The following RFT1 variants were observed in gnomAD, a reference collection of about 807,000 sequenced individuals.
RFT1 encodes RFT1 glycolipid translocator homolog, also known as man(5)GlcNAc(2)-PP-dolichol translocation protein RFT1.
A neutral mutation model predicts 62.2 loss-of-function variants in RFT1; 43 were observed. The ratio of observed to expected loss-of-function variants is 0.69; its 90% CI spans 0.54 to 0.89. The LOEUF is 0.89. RFT1 is among the 40% of genes least tolerant of loss of function. The pLI is 0.00. For missense variants in RFT1, 605 were observed against 649.9 expected (o/e 0.93, Z 0.75); for synonymous variants, 262 against 264.6 (o/e 0.99, Z 0.10).
chr3:53,119,501 A>G (rs765867053), intron 6 of RFT1, among the ~76,000 whole-genome samples: 9 of 152,242 alleles, frequency 5.9e-5, no homozygotes, highest in Non-Finnish European at 1.3e-4. Flanking sequence ...AAGGCAGGTA[A>G]AGCATTCAGC....
chr3:53,101,384 G>T (rs935918811), intron 10 of RFT1, among the ~76,000 whole-genome samples: 2 of 152,194 alleles, frequency 1.3e-5, no homozygotes, highest in Non-Finnish European at 2.9e-5. Flanking sequence ...AAGCAGAGAA[G>T]AGTGGGGGGC....
At chr3:53,115,767 C>G (rs1389334251) in intron 6 of RFT1, among the ~76,000 whole-genome samples, 2 of 152,242 alleles carry the variant, frequency 1.3e-5, no homozygotes, top group East Asian at 3.9e-4. Context: ...GTGAAGCCTT[C>G]CTTGATGTTC....
At chr3:53,104,400 T>A (rs997917936) in intron 9 of RFT1, among the ~76,000 whole-genome samples, 2 of 151,744 alleles carry the variant, frequency 1.3e-5, no homozygotes, top group Non-Finnish European at 2.9e-5. Flanking sequence ...TTTTTTTTTT[T>A]AAATAGAAAT....
At chr3:53,085,729 G>GC (rs1424097972), downstream of RFT1, 1 of 152,216 alleles carries the variant, frequency 6.6e-6, no homozygotes, top group African/African-American at 2.4e-5. Flanking sequence ...TGCAAGGAAA[G>GC]ACCTAATTCG....
intron 2 of RFT1, 68 bp from the exon 3 acceptor site, chr3:53,123,908 C>T (rs1419644587): frequency 7.8e-7 from 1 of 1,286,804 alleles, no homozygotes; most frequent in Non-Finnish European, 1.1e-6. Context: ...TGGGATTTTT[C>T]CAGCAACAGG....
At chr3:53,105,896 G>C (rs535824068) in intron 8 of RFT1, 93 bp from the exon 9 acceptor site, 3 of 1,200,644 alleles carry the variant, frequency 2.5e-6, no homozygotes, top group Non-Finnish European at 3.5e-6. Flanking sequence ...TTTCATTAAA[G>C]TTTGTTTATC....
At position 53,098,409 on chromosome 3, in the gene RFT1, G is replaced by A. The variant is rs151059445; in HGVS notation, c.1208+972C>T. Among the ~76,000 whole-genome samples, 17 of 143,806 alleles carry A rather than the reference G, an allele frequency of 1.2e-4. No individual in the cohort carries two copies. The East Asian group carries it at 3.3e-3, about 28-fold the overall frequency. The allele number at this position is 143,806 out of a possible 152,430, so 94.3% of individuals were successfully genotyped here. A position where few individuals can be genotyped will look rare whatever the true frequency, so the allele number is the denominator to read the frequency against. On this transcript the variant is annotated intron_variant, in intron 11 of 12. Transcript: ENST00000296292. ...CGCAGGAAAGGACACACACAGAGGA[G>A]GGGGAAGGGTCCCCATTTGAGACAC...
chr3:53,068,694 G>A, the RFT1 span, among the ~76,000 whole-genome samples: 1 of 152,186 alleles, frequency 6.6e-6, no homozygotes. Context: ...GTGGGGCAAA[G>A]GGAAGCGAGA....
rs142383513 is a variant in RFT1, at chr3:53,128,656, G to T, written c.63+1682C>A. Among the ~76,000 whole-genome samples the T allele has an allele frequency of 0.011, 1,630 of 152,222 alleles. 65 individuals carry two copies. In the South Asian group the frequency reaches 0.11, roughly 10 times the overall value. On this transcript the variant is annotated intron_variant, in intron 1 of 12. Coordinates refer to ENST00000296292, the MANE Select transcript of RFT1 (RefSeq NM_052859.4). ...CTCCTGAGTAGCTGGGACTACAGGT[G>T]CATGCCACCACGCCCATCTAATTTT... is the stretch of plus-strand genomic sequence containing the variant.
At chr3:53,069,596 C>G in the RFT1 span, among the ~76,000 whole-genome samples, 1 of 152,114 alleles carries the variant, frequency 6.6e-6, no homozygotes, top group African/African-American at 2.4e-5. Context: ...GATAAGCAAA[C>G]TCATAAGCAA....
rs778342377 is a variant in RFT1, at chr3:53,123,800, C to G, written c.190G>C (p.Glu64Gln). Reference protein sequence around the residue: ...LYSTTLFLAREAFRRACLSGG... With the variant: ...LYSTTLFLARQAFRRACLSGG... Reference sequence around the variant, plus strand: ...CTGAGACATGCTCTGCGGAAGGCCTCTCTGGCCAGGAAGAGGGTGGTTGAG... The same window carrying G: ...CTGAGACATGCTCTGCGGAAGGCCTGTCTGGCCAGGAAGAGGGTGGTTGAG... The change falls in exon 3 of 13, where the codon GAG becomes CAG. Residue 64 changes from glutamate (E) to glutamine (Q), a missense_variant. By Grantham distance (29) the Glu-to-Gln change is conservative. Coordinates refer to ENST00000296292, the MANE Select transcript of RFT1 (RefSeq NM_052859.4). 2.5e-6 allele frequency: 4 copies of G among 1,614,206 alleles called. No homozygotes were observed. In the South Asian group the frequency reaches 4.4e-5, roughly 18 times the overall value.
At chr3:53,079,936 G>A in the RFT1 span, among the ~76,000 whole-genome samples, 10 of 152,236 alleles carry the variant, frequency 6.6e-5, no homozygotes, top group Non-Finnish European at 1.2e-4. Context: ...GTGAGGCCAT[G>A]TGGGGGTGCA....
the RFT1 span, chr3:53,077,801 C>T: frequency 6.6e-6 from 1 of 152,276 alleles, no homozygotes; most frequent in East Asian, 1.9e-4. Flanking sequence ...CACCAAGGTC[C>T]ACTGCTCCTC....
the RFT1 span, among the ~76,000 whole-genome samples, chr3:53,076,365 C>T: frequency 1.3e-5 from 2 of 152,104 alleles, no homozygotes; most frequent in African/African-American, 2.4e-5. Flanking sequence ...AGGGAAAGCA[C>T]ACCTGCTGGG....
At chr3:53,078,762 C>A in the RFT1 span, among the ~76,000 whole-genome samples, 1 of 152,314 alleles carries the variant, frequency 6.6e-6, no homozygotes, top group East Asian at 1.9e-4. Flanking sequence ...ATATTTTAAT[C>A]TCCACCGTGA....
At chr3:53,108,804 GATAAC>G (rs1204608896) in intron 7 of RFT1, among the ~76,000 whole-genome samples, 1 of 151,984 alleles carries the variant, frequency 6.6e-6, no homozygotes, top group East Asian at 1.9e-4. Flanking sequence ...GAGTAGCTGG[GATAAC>G]AGGCGCCTGC....
chr3:53,116,660 G>A (rs1412642115), intron 6 of RFT1, among the ~76,000 whole-genome samples: 1 of 148,684 alleles, frequency 6.7e-6, no homozygotes, highest in African/African-American at 2.5e-5. Context: ...AGAGTGTAGT[G>A]GTGCGATCTC....
chr3:53,081,639 C>T, the RFT1 span, among the ~76,000 whole-genome samples: 1 of 152,138 alleles, frequency 6.6e-6, no homozygotes, highest in African/African-American at 2.4e-5. Context: ...GAATTAGACC[C>T]GAGAGGCCAA....
chr3:53,115,102 T>C (rs1701755568), intron 6 of RFT1, among the ~76,000 whole-genome samples: 1 of 152,162 alleles, frequency 6.6e-6, no homozygotes, highest in African/African-American at 2.4e-5. Context: ...ACTCCTCACC[T>C]GGACAATTGC....
Sources: gnomAD v4.1 joint callset for allele counts (sites outside exome capture counted in the v4.1 genomes callset) on GRCh38, gnomAD v4.1.1 for gene constraint, MANE v1.5 for transcripts, NCBI Gene and HGNC (gene_info 2026-07-23, HGNC 2026-07-21) for gene names.